TFPI: variants seen among roughly 807,000 people sequenced by gnomAD.
TFPI encodes the protein tissue factor pathway inhibitor.
In TFPI, 15 loss-of-function variants were observed where a neutral mutation model predicts 34.6. The ratio of observed to expected loss-of-function variants is 0.43; its 90% CI spans 0.29 to 0.67. TFPI has a LOEUF of 0.67. TFPI is among the 30% of genes least tolerant of loss of function. The pLI, the probability that TFPI is intolerant of heterozygous loss-of-function variation, is 0.15. For missense variants in TFPI, 301 were observed against 364.0 expected (o/e 0.83, Z 1.41); for synonymous variants, 105 against 120.1 (o/e 0.87, Z 0.82).
chr2:187,468,452 C>T (rs1691844777), intron 6 of TFPI, among the ~76,000 whole-genome samples: 1 of 152,052 alleles, frequency 6.6e-6, no homozygotes, highest in African/African-American at 2.4e-5. Flanking sequence ...AATACAAGCA[C>T]AGTTTAAAGT....
chr2:187,517,517 G>A (rs1210521110), intron 1 of TFPI: 1 of 152,068 alleles, frequency 6.6e-6, no homozygotes, highest in Non-Finnish European at 1.5e-5. Flanking sequence ...TGTTTGTTAT[G>A]ATTTCCATTA....
chr2:187,473,866 G>T (rs541592544), intron 6 of TFPI, among the ~76,000 whole-genome samples: 3 of 151,890 alleles, frequency 2.0e-5, no homozygotes, highest in Non-Finnish European at 4.4e-5. Flanking sequence ...ATAGAAGGAG[G>T]GTTGCCAGTG....
At chr2:187,536,169 T>C (rs1343546529) in intron 1 of TFPI, among the ~76,000 whole-genome samples, 1 of 152,210 alleles carries the variant, frequency 6.6e-6, no homozygotes, top group African/African-American at 2.4e-5. Context: ...GAGTAGCTGG[T>C]ACTATTCCTT....
chr2:187,506,296 A>G (rs1026867518), intron 1 of TFPI, among the ~76,000 whole-genome samples: 6 of 152,066 alleles, frequency 3.9e-5, no homozygotes, highest in African/African-American at 1.4e-4. Flanking sequence ...CTGGCTTTCT[A>G]ATAGAAACAT....
rs1265827505 is a variant in TFPI, at chr2:187,465,015, A to T, written c.*1921T>A. ...GCTGAGTAATTAACATTCAGTGTAC[A>T]GTGAGCATTCTTAACTAAATCAAAG... is the stretch of plus-strand genomic sequence containing the variant. On this transcript the variant is annotated 3_prime_UTR_variant, in exon 8 of 8. Coordinates refer to ENST00000233156, the MANE Select transcript of TFPI (RefSeq NM_006287.6). The T allele has an allele frequency of 6.6e-6, 1 of 152,224 alleles. No individual in the cohort carries two copies. The highest frequency in any genetic ancestry group is 1.5e-5 in the Non-Finnish European group (1 of 68,044). The allele number at this position is 152,224 out of a possible 1,614,324, so 9.4% of individuals were successfully genotyped here. A position where few individuals can be genotyped will look rare whatever the true frequency, so the allele number is the denominator to read the frequency against.
At chr2:187,509,890 AAAGCCAAACTACATTCCTTATCCTTT>A (rs1447140550) in intron 1 of TFPI, among the ~76,000 whole-genome samples, 1 of 152,156 alleles carries the variant, frequency 6.6e-6, no homozygotes. Flanking sequence ...CCCTACTCCC[AAAGCCAAACTACATTCCTTATCCTTT>A]ATGCCTCCCC....
chr2:187,531,231 T>A (rs1244317689), intron 1 of TFPI, among the ~76,000 whole-genome samples: 1 of 152,200 alleles, frequency 6.6e-6, no homozygotes, highest in Non-Finnish European at 1.5e-5. Flanking sequence ...GCTGCTGCAG[T>A]AAACTTAGTT....
chr2:187,467,444 T>C (rs1013274698), intron 7 of TFPI, among the ~76,000 whole-genome samples: 14 of 152,096 alleles, frequency 9.2e-5, no homozygotes, highest in Non-Finnish European at 1.9e-4. Context: ...ATGTTAAAAT[T>C]TTGTGCATTA....
intron 6 of TFPI, among the ~76,000 whole-genome samples, chr2:187,472,104 C>G (rs1327152434): frequency 6.6e-6 from 1 of 151,872 alleles, no homozygotes; most frequent in Non-Finnish European, 1.5e-5. Context: ...GATTCTTGCC[C>G]TTTAACCACT....
Position 187,503,715 on chromosome 2 carries a change from C to T in TFPI, c.54G>A (p.Leu18=). The change falls in exon 2 of 8, where the codon CTG becomes CTA. Residue 18 remains leucine (L), a synonymous_variant. Coordinates refer to ENST00000233156, the MANE Select transcript of TFPI (RefSeq NM_006287.6). ...VHALWASVCL[L]LNLAPAPLNA... ...TAAGAGGGGCAGGGGCAAGATTAAG[C>T]AGCAGGCATACAGAAGCCCAAAGTG... The T allele has an allele frequency of 6.2e-7, 1 of 1,613,208 alleles. No homozygotes were observed. The highest frequency in any genetic ancestry group is 1.3e-5 in the African/African-American group (1 of 74,990).
Position 187,497,107 on chromosome 2 carries a change from T to C in TFPI, c.122-29A>G, listed in dbSNP as rs746312413. On this transcript the variant is annotated intron_variant, in intron 2 of 7. Coordinates refer to ENST00000233156, the MANE Select transcript of TFPI (RefSeq NM_006287.6). ...TAAAGTAAAAATAAAAGATATAACA[T>C]GTAATCTCCATCAACACTGTAATAA... is the stretch of plus-strand genomic sequence containing the variant. The C allele has an allele frequency of 1.9e-6, 3 of 1,574,100 alleles. No homozygotes were observed. The East Asian group carries it at 6.9e-5, about 36-fold the overall frequency.
intron 3 of TFPI, among the ~76,000 whole-genome samples, chr2:187,493,208 G>A (rs146609043): frequency 1.1e-3 from 168 of 152,170 alleles, no homozygotes; most frequent in Admixed American, 3.8e-3. Flanking sequence ...TCTTGACTTC[G>A]GTATACTCTC....
chr2:187,552,003 A>T (rs534244996), intron 1 of TFPI, among the ~76,000 whole-genome samples: 1 of 152,254 alleles, frequency 6.6e-6, no homozygotes, highest in South Asian at 2.1e-4. Context: ...TAAATTGATG[A>T]TATAATTAAC....
intron 6 of TFPI, among the ~76,000 whole-genome samples, chr2:187,479,551 A>AGG (rs1692674886): frequency 2.3e-5 from 1 of 43,096 alleles, no homozygotes; most frequent in African/African-American, 8.7e-5. Flanking sequence ...ACGTTCATAT[A>AGG]TATATATATA....
chr2:187,538,383 C>T (rs745348174), intron 1 of TFPI, among the ~76,000 whole-genome samples: 2 of 152,200 alleles, frequency 1.3e-5, no homozygotes, highest in African/African-American at 2.4e-5. Flanking sequence ...GGCACATATA[C>T]ACCATGGAAT....
At chr2:187,494,239 G>A (rs193113838) in intron 3 of TFPI, among the ~76,000 whole-genome samples, 109 of 151,456 alleles carry the variant, frequency 7.2e-4, no homozygotes, top group African/African-American at 2.6e-3. Flanking sequence ...ACAACATATG[G>A]GAATTATGGG....
At chr2:187,520,163 T>G (rs1355592239) in intron 1 of TFPI, among the ~76,000 whole-genome samples, 1 of 152,106 alleles carries the variant, frequency 6.6e-6, no homozygotes, top group Admixed American at 6.5e-5. Flanking sequence ...TGAACAGATC[T>G]GTCCACTGGC....
intron 3 of TFPI, among the ~76,000 whole-genome samples, chr2:187,488,821 T>C (rs1207564851): frequency 6.6e-6 from 1 of 151,520 alleles, no homozygotes; most frequent in Non-Finnish European, 1.5e-5. Context: ...CCCTGCTTCG[T>C]TGTCTCAATC....
intron 1 of TFPI, among the ~76,000 whole-genome samples, chr2:187,533,751 G>A (rs1316328619): frequency 1.3e-5 from 2 of 152,134 alleles, no homozygotes; most frequent in Non-Finnish European, 2.9e-5. Flanking sequence ...CAGAAGGTGG[G>A]TAATAACAAA....
Sources: gnomAD v4.1 joint callset for allele counts (sites outside exome capture counted in the v4.1 genomes callset) on GRCh38, gnomAD v4.1.1 for gene constraint, MANE v1.5 for transcripts, NCBI Gene and HGNC (gene_info 2026-07-23, HGNC 2026-07-21) for gene names.